Variants in SHROOM3 observed in about 807,000 individuals in gnomAD.
SHROOM3 encodes the protein protein Shroom3.
Under a neutral mutation model 138.6 loss-of-function variants are expected in SHROOM3, and 47 were observed. The ratio of observed to expected loss-of-function variants is 0.34; its 90% CI spans 0.27 to 0.43. The LOEUF is 0.43. Ranked by LOEUF, SHROOM3 falls within the 20% of genes least tolerant of loss-of-function variation. SHROOM3 has a pLI of 1.00. For missense variants in SHROOM3, 2,491 were observed against 2,596.5 expected (o/e 0.96, Z 0.88); for synonymous variants, 1,062 against 1,063.3 (o/e 1.00, Z 0.02).
chr4:76,653,498 T>C (rs1197372594), intron 2 of SHROOM3, among the ~76,000 whole-genome samples: 2 of 151,692 alleles, frequency 1.3e-5, no homozygotes, highest in Non-Finnish European at 2.9e-5. Flanking sequence ...TGGTATGACA[T>C]GTGGTATATG....
intron 9 of SHROOM3, among the ~76,000 whole-genome samples, chr4:76,770,238 G>A (rs924874497): frequency 2.1e-5 from 3 of 146,002 alleles, no homozygotes; most frequent in Non-Finnish European, 3.0e-5. Flanking sequence ...CAGGAGAATC[G>A]CTTGAACCCA....
intron 2 of SHROOM3, chr4:76,559,567 T>G (rs1733557567): frequency 6.6e-6 from 1 of 152,190 alleles, no homozygotes; most frequent in African/African-American, 2.4e-5. Context: ...ATTTGTGTAG[T>G]CAAAATGTAT....
rs181808574 is a variant in SHROOM3, at chr4:76,710,339, A to G, written c.455+52A>G. ...CAGTTCGGAAAAAGAACCCAGTCCA[A>G]AAAGCCACTCAGCTGCTGGGAGAGG... On this transcript the variant is annotated intron_variant, in intron 3 of 10. Coordinates refer to ENST00000296043, the MANE Select transcript of SHROOM3 (RefSeq NM_020859.4). 5 of 1,609,642 alleles carry G rather than the reference A, an allele frequency of 3.1e-6. No homozygotes were observed. In the African/African-American group the frequency reaches 5.3e-5, roughly 17 times the overall value.
chr4:76,468,212 A>G (rs1449447014), intron 1 of SHROOM3, among the ~76,000 whole-genome samples: 3 of 152,258 alleles, frequency 2.0e-5, no homozygotes, highest in African/African-American at 4.8e-5. Context: ...AACATTCTAC[A>G]TATAGGGGAC....
intron 2 of SHROOM3, among the ~76,000 whole-genome samples, chr4:76,639,915 T>C (rs1454134052): frequency 1.3e-5 from 2 of 152,224 alleles, no homozygotes; most frequent in Non-Finnish European, 2.9e-5. Context: ...AAATAATGTC[T>C]GCTTGTTCAC....
chr4:76,461,903 G>A (rs1325323692), intron 1 of SHROOM3, among the ~76,000 whole-genome samples: 1 of 152,210 alleles, frequency 6.6e-6, no homozygotes, highest in Non-Finnish European at 1.5e-5. Flanking sequence ...AATTAAATGG[G>A]AATGTTAGGA....
At chr4:76,451,276 A>C (rs1171419235) in intron 1 of SHROOM3, among the ~76,000 whole-genome samples, 1 of 152,162 alleles carries the variant, frequency 6.6e-6, no homozygotes, top group Non-Finnish European at 1.5e-5. Context: ...ACTGAAATTT[A>C]ATATAGTAGA....
At chr4:76,728,269 C>T (rs779842425) in intron 3 of SHROOM3, among the ~76,000 whole-genome samples, 7 of 152,164 alleles carry the variant, frequency 4.6e-5, no homozygotes, top group Non-Finnish European at 7.4e-5. Context: ...TTAATTCCCA[C>T]GTGTTGTGGG....
At chr4:76,476,990 CAG>C (rs1260624023) in intron 1 of SHROOM3, among the ~76,000 whole-genome samples, 1 of 152,148 alleles carries the variant, frequency 6.6e-6, no homozygotes, top group Non-Finnish European at 1.5e-5. Context: ...TTTTTTGAGA[CAG>C]AGTCTCACTC....
At chr4:76,770,150 C>G (rs1390321537) in intron 9 of SHROOM3, among the ~76,000 whole-genome samples, 3 of 151,676 alleles carry the variant, frequency 2.0e-5, no homozygotes, top group African/African-American at 7.3e-5. Flanking sequence ...TGATGAAACC[C>G]CATCTCTACT....
At chr4:76,543,226 A>G (rs1579224773) in intron 1 of SHROOM3, among the ~76,000 whole-genome samples, 1 of 152,224 alleles carries the variant, frequency 6.6e-6, no homozygotes, top group Admixed American at 6.5e-5. Flanking sequence ...GAGGCATGCT[A>G]CCAGTTTCAG....
intron 2 of SHROOM3, among the ~76,000 whole-genome samples, chr4:76,660,414 G>A (rs527740882): frequency 3.7e-4 from 57 of 152,242 alleles, no homozygotes; most frequent in African/African-American, 1.3e-3. Context: ...CTAGGAGAGA[G>A]TCATCAACAC....
chr4:76,679,185 C>A (rs1719122188), intron 2 of SHROOM3, among the ~76,000 whole-genome samples: 1 of 152,152 alleles, frequency 6.6e-6, no homozygotes, highest in Admixed American at 6.6e-5. Flanking sequence ...ACAGTGTCAC[C>A]TTTCTCTATT....
intron 4 of SHROOM3, among the ~76,000 whole-genome samples, chr4:76,733,182 C>A (rs1720932088): frequency 6.6e-6 from 1 of 152,182 alleles, no homozygotes; most frequent in Admixed American, 6.5e-5. Flanking sequence ...GCAATCAGTA[C>A]TTAGAATGAC....
intron 1 of SHROOM3, among the ~76,000 whole-genome samples, chr4:76,450,323 G>A (rs1730900700): frequency 6.6e-6 from 1 of 152,202 alleles, no homozygotes. Context: ...TGGAGAAACA[G>A]ATGGCCATTT....
At position 76,740,193 on chromosome 4, in the gene SHROOM3, A is replaced by G; in HGVS notation, c.2020A>G (p.Arg674Gly). ...SLQNIPESLR[R>G]HSSLELGRGT... ...CCAGAACATTCCTGAGAGTCTGAGA[A>G]GACACAGCAGCCTGGAGCTAGGCCG... Residue 674 changes from arginine (R) to glycine (G), a missense_variant, in exon 5 of 11, where the codon AGA (arginine) becomes GGA (glycine). Around this residue, in one of 4 missense-constraint regions of SHROOM3, gnomAD observed 1,733 missense variants for 1,661.6 expected, o/e 1.04. Coordinates refer to ENST00000296043, the MANE Select transcript of SHROOM3 (RefSeq NM_020859.4). This position sits in a 1 kb window ranked among gnomAD's most constrained non-coding sequence, Gnocchi z 4.0. The G allele has an allele frequency of 1.2e-6, 2 of 1,613,806 alleles. No homozygotes were observed. The highest frequency in any genetic ancestry group is 1.7e-6 in the Non-Finnish European group (2 of 1,180,044).
intron 2 of SHROOM3, among the ~76,000 whole-genome samples, chr4:76,678,737 T>C (rs1437687201): frequency 6.6e-6 from 1 of 152,226 alleles, no homozygotes; most frequent in Non-Finnish European, 1.5e-5. Flanking sequence ...CCTGGCTCAC[T>C]GCAACCTCCG....
chr4:76,639,913 T>A (rs1012696623), intron 2 of SHROOM3, among the ~76,000 whole-genome samples: 1 of 152,210 alleles, frequency 6.6e-6, no homozygotes, highest in African/African-American at 2.4e-5. Context: ...CAAAATAATG[T>A]CTGCTTGTTC....
At chr4:76,492,290 C>T (rs1579191324) in intron 1 of SHROOM3, among the ~76,000 whole-genome samples, 1 of 152,312 alleles carries the variant, frequency 6.6e-6, no homozygotes, top group East Asian at 1.9e-4. Context: ...TGGATGTGCA[C>T]TAATGAGAAT....
Sources: allele counts gnomAD v4.1 joint callset (sites outside exome capture counted in the v4.1 genomes callset), GRCh38; gene constraint gnomAD v4.1.1; regional missense constraint gnomAD v4.1.1; non-coding constraint Gnocchi (gnomAD v3.1); transcripts MANE v1.5; gene names NCBI Gene and HGNC (gene_info 2026-07-23, HGNC 2026-07-21).